The following ATP8B4 variants were observed in gnomAD, a reference collection of about 807,000 sequenced individuals.
ATP8B4 encodes ATPase phospholipid transporting 8B4 (putative).
ATP8B4 carries 133 observed loss-of-function variants against 145.6 expected under a neutral mutation model. The observed-to-expected ratio is 0.91, with a 90% CI of 0.79 to 1.05. The LOEUF (loss-of-function observed/expected upper bound fraction) is 1.05, where lower values mean the gene tolerates loss of function less well. Ranked by LOEUF, ATP8B4 falls within the 50% of genes least tolerant of loss-of-function variation. The pLI is 0.00. For synonymous variants in ATP8B4, 507 were observed against 492.9 expected, an observed-to-expected ratio of 1.03 and a Z score of -0.38; for missense variants, 1,458 against 1,425.2, an observed-to-expected ratio of 1.02 and a Z score of -0.37.
At chr15:49,911,489 C>A (rs2039221634) in intron 20 of ATP8B4, among the ~76,000 whole-genome samples, 1 of 151,936 alleles carries the variant, frequency 6.6e-6, no homozygotes, top group African/African-American at 2.4e-5. Context: ...GAGGATATTA[C>A]AATTCTAAAT....
intron 6 of ATP8B4, 45 bp from the exon 7 acceptor site, chr15:50,010,962 G>T: frequency 7.5e-7 from 1 of 1,326,354 alleles, no homozygotes; most frequent in South Asian, 1.4e-5. Flanking sequence ...ATGAAGAATT[G>T]AAAGTATAAC....
chr15:49,979,032 A>G (rs2153531767), intron 12 of ATP8B4, among the ~76,000 whole-genome samples: 1 of 152,278 alleles, frequency 6.6e-6, no homozygotes, highest in African/African-American at 2.4e-5. Flanking sequence ...TACTAATAAT[A>G]GGAAAAGCTA....
intron 23 of ATP8B4, among the ~76,000 whole-genome samples, chr15:49,885,105 C>G (rs747968628): frequency 6.6e-6 from 1 of 152,150 alleles, no homozygotes; most frequent in African/African-American, 2.4e-5. Context: ...TCCTAAGAGC[C>G]CTTCCTGGTC....
At chr15:49,981,411 T>A in intron 10 of ATP8B4, 117 bp from the exon 11 acceptor site, 1 of 805,260 alleles carries the variant, frequency 1.2e-6, no homozygotes. Flanking sequence ...ATAATTTAAC[T>A]TTTATTAAGA....
In ATP8B4 at chr15:49,916,923, T is replaced by G. The variant is rs969347249; in HGVS notation, c.2141+11A>C. 1.2e-6 allele frequency: 2 copies of G among 1,610,886 alleles called. No homozygotes were observed. Among genetic ancestry groups the G allele is most frequent in the African/African-American group, 2.7e-5 (2 of 74,862 alleles). ...GTCCTTCCATCCTTTCCTCCTTCCT[T>G]CAACACCTACCTGAGTTCTTCTCTC... On this transcript the variant is annotated intron_variant, in intron 20 of 27. Transcript: ENST00000284509.
intron 2 of ATP8B4, among the ~76,000 whole-genome samples, chr15:50,081,046 G>C (rs1347789479): frequency 1.3e-5 from 2 of 151,230 alleles, no homozygotes; most frequent in Non-Finnish European, 2.9e-5. Context: ...CCGGGAGGCG[G>C]AGCTTGCAGT....
chr15:49,879,537 G>C (rs1566918907), intron 23 of ATP8B4, 78 bp from the exon 24 acceptor site: 6 of 1,255,986 alleles, frequency 4.8e-6, no homozygotes, highest in Non-Finnish European at 6.7e-6. Context: ...TAAATAACCA[G>C]GTTTTCTGAG....
At chr15:50,021,993 C>T (rs919963265) in intron 6 of ATP8B4, among the ~76,000 whole-genome samples, 4 of 152,036 alleles carry the variant, frequency 2.6e-5, no homozygotes, top group African/African-American at 9.7e-5. Context: ...AAGCTAATGA[C>T]AAAGTCTGGA....
chr15:49,919,027 G>C, intron 18 of ATP8B4, 77 bp from the exon 19 acceptor site: 3 of 1,024,050 alleles, frequency 2.9e-6, no homozygotes, highest in Non-Finnish European at 4.4e-6. Context: ...TTCACTCACA[G>C]ATTCTGGAGG....
At chr15:50,146,169 T>C (rs958347465) in intron 1 of ATP8B4, among the ~76,000 whole-genome samples, 23 of 152,066 alleles carry the variant, frequency 1.5e-4, no homozygotes, top group Non-Finnish European at 2.9e-5. Context: ...TCTGCCACCG[T>C]GCCCAGCTAA....
chr15:50,004,377 G>T (rs1425581409), intron 7 of ATP8B4, among the ~76,000 whole-genome samples: 1 of 152,162 alleles, frequency 6.6e-6, no homozygotes, highest in African/African-American at 2.4e-5. Flanking sequence ...CTCATCCCTT[G>T]TCACCCGTTT....
chr15:50,077,844 C>T (rs1440647622), intron 2 of ATP8B4, among the ~76,000 whole-genome samples: 2 of 152,086 alleles, frequency 1.3e-5, no homozygotes, highest in Non-Finnish European at 2.9e-5. Context: ...CAACTTGGCC[C>T]CTAGTAAAGC....
chr15:49,892,974 G>C (rs145644683), intron 23 of ATP8B4, among the ~76,000 whole-genome samples: 1 of 152,278 alleles, frequency 6.6e-6, no homozygotes, highest in African/African-American at 2.4e-5. Flanking sequence ...GTATTCACTA[G>C]AATCTGCAAT....
chr15:49,876,339 GC>G lies in ATP8B4; in HGVS notation c.2965del (p.Ala989LeufsTer22), dbSNP rs1172831966. 5 of 1,614,128 alleles carry G rather than the reference GC, an allele frequency of 3.1e-6. No individual in the cohort carries two copies. Among genetic ancestry groups the G allele is most frequent in the Non-Finnish European group, 4.2e-6 (5 of 1,179,974 alleles). ...NVAGEDGQHIADYQSFAVTMA... is the reference protein window; with the variant it reads ...NVAGEDGQHIXDYQSFAVTMA... ...GGTAACTGCAAAGGACTGGTAGTCA[GC>G]AATATGTTGCCCATCTTCTCCAGCC... On this transcript the variant is annotated frameshift_variant, in exon 25 of 28. Transcript: ENST00000284509. LOFTEE classifies it high-confidence loss of function.
intron 6 of ATP8B4, among the ~76,000 whole-genome samples, chr15:50,023,802 A>AAAAAAAAAAAAAAGAAAAG (rs2049793767): frequency 6.8e-6 from 1 of 146,676 alleles, no homozygotes; most frequent in African/African-American, 2.5e-5. Flanking sequence ...AAAAAGAAAA[A>AAAAAAAAAAAAAAGAAAAG]AAAGAAAAAA....
intron 20 of ATP8B4, among the ~76,000 whole-genome samples, chr15:49,916,095 T>C (rs1159817884): frequency 6.6e-6 from 1 of 152,018 alleles, no homozygotes; most frequent in Non-Finnish European, 1.5e-5. Context: ...CTAAGTGAGC[T>C]GAGCTTAGAG....
At chr15:50,038,916 C>G in intron 5 of ATP8B4, 87 bp from the exon 6 acceptor site, 1 of 1,163,072 alleles carries the variant, frequency 8.6e-7, no homozygotes, top group Non-Finnish European at 1.3e-6. Context: ...TTGAGTTCAT[C>G]CATTTAAACT....
intron 1 of ATP8B4, among the ~76,000 whole-genome samples, chr15:50,141,006 T>C (rs1419142357): frequency 6.6e-6 from 1 of 152,196 alleles, no homozygotes. Context: ...TAGAACTCCA[T>C]CATGGAAGGA....
At chr15:49,973,638 A>T (rs1449448620) in intron 12 of ATP8B4, among the ~76,000 whole-genome samples, 1 of 103,212 alleles carries the variant, frequency 9.7e-6, no homozygotes, top group African/African-American at 6.7e-5. Flanking sequence ...ATTAATTATT[A>T]CAATAATTAT....
Sources: allele counts gnomAD v4.1 joint callset (sites outside exome capture counted in the v4.1 genomes callset), GRCh38; gene constraint gnomAD v4.1.1; transcripts MANE v1.5; gene names NCBI Gene and HGNC (gene_info 2026-07-23, HGNC 2026-07-21).